KMT2C: variants seen among roughly 807,000 people sequenced by gnomAD.
KMT2C encodes histone-lysine N-methyltransferase 2C.
KMT2C carries 88 observed loss-of-function variants against 507.9 expected under a neutral mutation model. That is an observed-to-expected ratio of 0.17 (90% CI 0.15 to 0.21). The LOEUF is 0.21. Ranked by LOEUF, KMT2C falls within the 10% of genes least tolerant of loss-of-function variation. The pLI is 1.00. For synonymous variants in KMT2C, 2,049 were observed against 2,080.8 expected, an observed-to-expected ratio of 0.98 and a Z score of 0.42; for missense variants, 4,954 against 5,957.8, an observed-to-expected ratio of 0.83 and a Z score of 5.55.
In KMT2C at chr7:152,179,907, C is replaced by T. The variant is rs2129118020; in HGVS notation, c.7369G>A (p.Val2457Ile). Residue 2457 changes from valine to isoleucine, a missense_variant, in exon 37 of 59, where the codon GTT becomes ATT. Val to Ile is a conservative substitution (Grantham distance 29). This residue lies in a region of KMT2C where 1,689 missense variants were observed against 1,654.3 expected (regional missense o/e 1.02). Coordinates refer to ENST00000262189, the MANE Select transcript of KMT2C (RefSeq NM_170606.3). ...GGTCCACGCTGATCTTTTGGGAAAA[C>T]AGCATATCTAGGTCCTAAAGGAGGG... ...VAPPLGPRYA[V>I]FPKDQRGPYP... The T allele has an allele frequency of 1.2e-6, 2 of 1,614,090 alleles. No homozygotes were observed. Among genetic ancestry groups the T allele is most frequent in the Non-Finnish European group, 1.7e-6 (2 of 1,179,994 alleles).
At position 152,163,264 on chromosome 7, in the gene KMT2C, C is replaced by A. The variant is rs778718870; in HGVS notation, c.10313G>T (p.Gly3438Val). ...RMEMEQHGMVGSEISSSRTSV... is the reference protein window; with the variant it reads ...RMEMEQHGMVVSEISSSRTSV... ...TGTCCTACTACTACTTATCTCAGAG[C>A]CCACCATACCATGCTGCTCCATTTC... is the stretch of plus-strand genomic sequence containing the variant. Residue 3438 changes from glycine to valine, a missense_variant, in exon 43 of 59, where the codon GGC becomes GTC. Gly to Val is a moderately radical substitution (Grantham distance 109). Transcript: ENST00000262189. The A allele has an allele frequency of 6.2e-7, 1 of 1,614,150 alleles. No homozygotes were observed. Among genetic ancestry groups the A allele is most frequent in the South Asian group, 1.1e-5 (1 of 91,088 alleles).
rs561021637 is a variant in KMT2C at position 152,240,824 on chromosome 7, C to T, written c.2533-1998G>A. 1.4e-3 allele frequency among the ~76,000 whole-genome samples: 220 copies of T among 152,292 alleles called. 1 individual carries two copies. The highest frequency in any genetic ancestry group is 5.0e-3 in the African/African-American group (208 of 41,556). ...TTCTTGTCACTTCCACCACTAGCAG[C>T]TCAGTCGTGGCCACCACCATCTCTC... is the stretch of plus-strand genomic sequence containing the variant. On this transcript the variant is annotated intron_variant, in intron 14 of 58. Transcript: ENST00000262189.
chr7:152,372,496 A>T (rs952291188), intron 1 of KMT2C, among the ~76,000 whole-genome samples: 2 of 152,160 alleles, frequency 1.3e-5, no homozygotes, highest in Non-Finnish European at 2.9e-5. Context: ...TATGCTGCCT[A>T]CAAGAGACTC....
At chr7:152,411,840 T>A (rs150173151) in intron 1 of KMT2C, among the ~76,000 whole-genome samples, 2 of 148,096 alleles carry the variant, frequency 1.4e-5, no homozygotes, top group African/African-American at 5.1e-5. Context: ...TGCATCACAA[T>A]GTTAAAATCT....
At chr7:152,235,006 A>G (rs1335146376) in intron 16 of KMT2C, among the ~76,000 whole-genome samples, 17 of 152,206 alleles carry the variant, frequency 1.1e-4, no homozygotes, top group Non-Finnish European at 2.9e-5. Flanking sequence ...ATGAATCTCC[A>G]AATAATTGTG....
rs2091362408 is a variant in KMT2C, at chr7:152,148,673, C to T, written c.13254G>A (p.Arg4418=). 6.2e-7 allele frequency: 1 copy of T among 1,614,182 alleles called. No homozygotes were observed. Among genetic ancestry groups the T allele is most frequent in the Non-Finnish European group, 8.5e-7 (1 of 1,180,036 alleles). The change falls in exon 52 of 59, where the codon AGG becomes AGA. Residue 4418 remains arginine, a synonymous_variant. Coordinates refer to ENST00000262189, the MANE Select transcript of KMT2C (RefSeq NM_170606.3). This position sits in a 1 kb window ranked among gnomAD's most constrained non-coding sequence, Gnocchi z 7.1. The part of the protein sequence containing the change: ...EGDGLTDGPA[R]LLNLDLDLWV... Reference sequence around the variant, plus strand: ...ACAGATCCAAGTCAAGGTTGAGTAGCCTTGCTGGTCCATCTGTCAATCCAT... The same window carrying T: ...ACAGATCCAAGTCAAGGTTGAGTAGTCTTGCTGGTCCATCTGTCAATCCAT...
intron 55 of KMT2C, among the ~76,000 whole-genome samples, chr7:152,141,830 A>C (rs905937253): frequency 1.3e-5 from 2 of 152,118 alleles, no homozygotes; most frequent in African/African-American, 4.8e-5. Context: ...ACCAGCCTGG[A>C]CAACATGGCA....
At chr7:152,141,108 C>T (rs550794293) in intron 55 of KMT2C, among the ~76,000 whole-genome samples, 2 of 151,878 alleles carry the variant, frequency 1.3e-5, no homozygotes, top group Non-Finnish European at 2.9e-5. Flanking sequence ...GGCATGGTGG[C>T]GTGTGCCTGT....
In KMT2C at chr7:152,181,068, C is replaced by G. The variant is rs143820259; in HGVS notation, c.6792G>C (p.Pro2264=). The change falls in exon 36 of 59, where the codon CCG becomes CCC. Residue 2264 remains proline (P), a synonymous_variant. Transcript: ENST00000262189. ...AQNRGPALPG[P]LVRPPDTCSQ... ...AACATGTATCAGGTGGCCTTACCAACGGGCCAGGTAAAGCTGGTCCTCGGT... is the reference window on the plus strand; with the variant it reads ...AACATGTATCAGGTGGCCTTACCAAGGGGCCAGGTAAAGCTGGTCCTCGGT... The G allele has an allele frequency of 9.3e-6, 15 of 1,614,154 alleles. No individual in the cohort carries two copies. The highest frequency in any genetic ancestry group is 1.3e-5 in the Non-Finnish European group (15 of 1,180,020).
chr7:152,419,467 A>C (rs2097765892), intron 1 of KMT2C, among the ~76,000 whole-genome samples: 2 of 152,214 alleles, frequency 1.3e-5, no homozygotes, highest in Admixed American at 6.5e-5. Flanking sequence ...GAAAATTATA[A>C]AATACTACAA....
chr7:152,327,957 CAAAAA>C (rs371396057), intron 3 of KMT2C, among the ~76,000 whole-genome samples: 1 of 78,696 alleles, frequency 1.3e-5, no homozygotes, highest in African/African-American at 5.0e-5. Context: ...GACTCCGCCT[CAAAAA>C]AAAAAAAAAA....
intron 2 of KMT2C, among the ~76,000 whole-genome samples, chr7:152,347,466 T>C (rs909292484): frequency 5.3e-5 from 8 of 152,218 alleles, no homozygotes; most frequent in African/African-American, 1.7e-4. Flanking sequence ...ACTGGAGAGA[T>C]GAACTGCTCA....
intron 1 of KMT2C, among the ~76,000 whole-genome samples, chr7:152,398,461 G>A (rs1333603369): frequency 6.6e-6 from 1 of 152,176 alleles, no homozygotes; most frequent in Non-Finnish European, 1.5e-5. Flanking sequence ...CATAGAAATA[G>A]CAAAGGTATA....
intron 3 of KMT2C, among the ~76,000 whole-genome samples, chr7:152,317,045 T>C (rs2096728738): frequency 6.6e-6 from 1 of 152,188 alleles, no homozygotes; most frequent in African/African-American, 2.4e-5. Flanking sequence ...ATTAGTCTTA[T>C]CAACATTGAT....
At chr7:152,255,124 TATATATATATATATATATATAC>T (rs958797321) in intron 9 of KMT2C, among the ~76,000 whole-genome samples, 7 of 113,212 alleles carry the variant, frequency 6.2e-5, no homozygotes, top group East Asian at 2.2e-4. Flanking sequence ...TATATATATA[TATATATATATATATATATATAC>T]ATATATATAT....
chr7:152,433,753 T>C (rs1017387060), intron 1 of KMT2C, among the ~76,000 whole-genome samples: 1 of 152,276 alleles, frequency 6.6e-6, no homozygotes, highest in African/African-American at 2.4e-5. Flanking sequence ...AGAATTAAAA[T>C]AATAAAGTGG....
At position 152,138,951 on chromosome 7, in the gene KMT2C, C is replaced by G. The variant is rs1345565318; in HGVS notation, c.14535-47G>C. The G allele has an allele frequency of 1.4e-6, 2 of 1,453,676 alleles. No homozygotes were observed. The highest frequency in any genetic ancestry group is 2.3e-5 in the East Asian group (1 of 44,162). The allele number at this position is 1,453,676 out of a possible 1,614,324, so 90.0% of individuals were successfully genotyped here. ...AACTGTATTGTAAAACAGCTAGAAGCAGCTTTAAAAACTTCCCATTTATTG... is the reference window on the plus strand; with the variant it reads ...AACTGTATTGTAAAACAGCTAGAAGGAGCTTTAAAAACTTCCCATTTATTG... On this transcript the variant is annotated intron_variant, in intron 57 of 58. Transcript: ENST00000262189. The surrounding 1 kb of genome is among the most constrained non-coding windows in gnomAD (Gnocchi z 4.2).
chr7:152,338,059 T>C (rs1368886942), intron 2 of KMT2C, among the ~76,000 whole-genome samples: 1 of 151,966 alleles, frequency 6.6e-6, no homozygotes, highest in Non-Finnish European at 1.5e-5. Flanking sequence ...GGGGTTTCAC[T>C]GTGTTAGCCA....
chr7:152,310,180 A>G, intron 5 of KMT2C, 105 bp from the exon 6 acceptor site: 1 of 723,236 alleles, frequency 1.4e-6, no homozygotes, highest in Non-Finnish European at 2.3e-6. Flanking sequence ...ATGTAAATAT[A>G]CAATGGCATC....
Sources: allele counts gnomAD v4.1 joint callset (sites outside exome capture counted in the v4.1 genomes callset), GRCh38; gene constraint gnomAD v4.1.1; regional missense constraint gnomAD v4.1.1; non-coding constraint Gnocchi (gnomAD v3.1); transcripts MANE v1.5; gene names NCBI Gene and HGNC (gene_info 2026-07-23, HGNC 2026-07-21).